PARP12: variants seen among roughly 807,000 people sequenced by gnomAD.
PARP12 encodes the protein protein mono-ADP-ribosyltransferase PARP12.
A neutral mutation model predicts 72.4 loss-of-function variants in PARP12; 59 were observed. The ratio of observed to expected loss-of-function variants is 0.81; its 90% CI spans 0.66 to 1.01. The LOEUF is 1.01. PARP12 is among the 50% of genes least tolerant of loss of function. PARP12 has a pLI of 0.00. For synonymous variants in PARP12, 403 were observed against 371.4 expected (o/e 1.09, Z -0.98); for missense variants, 851 against 914.0 (o/e 0.93, Z 0.89).
intron 5 of PARP12, among the ~76,000 whole-genome samples, chr7:140,046,217 T>C (rs908865424): frequency 6.6e-6 from 1 of 152,240 alleles, no homozygotes; most frequent in Non-Finnish European, 1.5e-5. Flanking sequence ...ACTTTACCAA[T>C]AGCAATTTGC....
chr7:140,024,695 G>A lies in PARP12; in HGVS notation c.1971C>T (p.Asp657=), dbSNP rs2116506296. 1.2e-6 allele frequency: 2 copies of A among 1,614,180 alleles called. No homozygotes were observed. The highest frequency in any genetic ancestry group is 8.5e-7 in the Non-Finnish European group (1 of 1,180,028). ...FYDSCVNSVS[D]PSIFVIFEKH... is the part of the protein sequence containing the mutation. ...TCTCAAAGATCACAAAGATGGAGGGGTCGGACACACTGTTCACGCAGCTAT... is the reference window on the plus strand; with the variant it reads ...TCTCAAAGATCACAAAGATGGAGGGATCGGACACACTGTTCACGCAGCTAT... The change falls in exon 12 of 12, where the codon GAC becomes GAT. Residue 657 remains aspartate, a synonymous_variant. Coordinates refer to ENST00000263549, the MANE Select transcript of PARP12 (RefSeq NM_022750.4).
At chr7:140,028,861 C>T in intron 8 of PARP12, 173 bp from the exon 9 acceptor site, 1 of 513,754 alleles carries the variant, frequency 1.9e-6, no homozygotes, top group Non-Finnish European at 3.4e-6. Context: ...CATGAGAGCA[C>T]TTTTATCTTT....
At position 140,046,917 on chromosome 7, in the gene PARP12, A is replaced by G. The variant is rs766719525; in HGVS notation, c.953T>C (p.Ile318Thr). 17 of 1,613,958 alleles carry G rather than the reference A, an allele frequency of 1.1e-5. No homozygotes were observed. Among genetic ancestry groups the G allele is most frequent in the East Asian group, 2.2e-5 (1 of 44,884 alleles). Residue 318 changes from isoleucine to threonine, a missense_variant, in exon 5 of 12, where the codon ATT becomes ACT. Transcript: ENST00000263549. ...TTTGGGATTGCAATATGCCTCTTCA[A>G]TAAGTTCCATGTTGTCCAAATCCTC... Reference protein sequence around the residue: ...KWEDLDNMELIEEAYCNPKIE... With the variant: ...KWEDLDNMELTEEAYCNPKIE...
At chr7:140,040,138 A>G (rs1040558006) in intron 6 of PARP12, among the ~76,000 whole-genome samples, 4 of 152,018 alleles carry the variant, frequency 2.6e-5, no homozygotes, top group Non-Finnish European at 5.9e-5. Context: ...ACATCTGCTA[A>G]GTGTGTTGCG....
Position 140,062,735 on chromosome 7 carries a change from G to C in PARP12, c.113C>G (p.Ala38Gly). The C allele has an allele frequency of 1.5e-6, 2 of 1,364,810 alleles. No homozygotes were observed. The highest frequency in any genetic ancestry group is 1.9e-6 in the Non-Finnish European group (2 of 1,052,226). The allele number at this position is 1,364,810 out of a possible 1,614,324, so 84.5% of individuals were successfully genotyped here. Residue 38 changes from alanine to glycine, a missense_variant, in exon 1 of 12, where the codon GCG becomes GGG. Physicochemically the swap from Ala to Gly is moderately conservative, Grantham distance 60 (BLOSUM62 0). This residue lies in a region of PARP12 where 492 missense variants were observed against 489.3 expected (regional missense o/e 1.01). Transcript: ENST00000263549. The stretch of plus-strand genomic sequence containing the variant: ...ACGCTGCCGCAGCAGCCGCTCCAGC[G>C]CGTCGGCGCTCAAGCCCATCCGCAA... ...RRLRMGLSAD[A>G]LERLLRQRGR... is the part of the protein sequence containing the mutation.
At position 140,034,332 on chromosome 7, in the gene PARP12, C is replaced by A. The variant is rs1321501995; in HGVS notation, c.1325-1G>T. ...TAGACCAGGTTTTTCTGAACGAAGGCTGAAAAAAAACATAACCAGTGAAAA... is the reference window on the plus strand; with the variant it reads ...TAGACCAGGTTTTTCTGAACGAAGGATGAAAAAAAACATAACCAGTGAAAA... On this transcript the variant is annotated splice_acceptor_variant, in intron 7 of 11. Transcript: ENST00000263549. LOFTEE classifies it high-confidence loss of function. The A allele has an allele frequency of 1.9e-6, 3 of 1,606,300 alleles. No homozygotes were observed. The highest frequency in any genetic ancestry group is 2.6e-6 in the Non-Finnish European group (3 of 1,175,992).
chr7:140,024,850 G>C lies in PARP12; in HGVS notation c.1816C>G (p.His606Asp). 6.2e-7 allele frequency: 1 copy of C among 1,613,996 alleles called. No homozygotes were observed. Among genetic ancestry groups the C allele is most frequent in the Non-Finnish European group, 8.5e-7 (1 of 1,179,902 alleles). Residue 606 changes from histidine to aspartate, a missense_variant, in exon 12 of 12, where the codon CAC (histidine) becomes GAC (aspartate). Physicochemically the swap from His to Asp is moderately conservative, Grantham distance 81. This residue lies in a region of PARP12 where 347 missense variants were observed against 396.1 expected (regional missense o/e 0.88). Transcript: ENST00000263549. ...GTCTGCGTGTCGGATTTGCTGTAGT[G>C]GTGGGAATATGCAGCATCTCGGGCA... ...YFARDAAYSH[H>D]YSKSDTQTHT...
chr7:140,059,402 C>CTCTTTTT (rs562927727), intron 1 of PARP12, among the ~76,000 whole-genome samples: 6 of 147,332 alleles, frequency 4.1e-5, no homozygotes, highest in African/African-American at 1.3e-4. Flanking sequence ...CTGAACCTAG[C>CTCTTTTT]TTTTTTTTTT....
intron 8 of PARP12, among the ~76,000 whole-genome samples, chr7:140,030,271 C>T (rs940954714): frequency 6.6e-6 from 1 of 152,188 alleles, no homozygotes; most frequent in Non-Finnish European, 1.5e-5. Flanking sequence ...ATTCTATACC[C>T]AGTGAAAATT....
intron 4 of PARP12, 28 bp from the exon 5 acceptor site, chr7:140,047,035 T>C (rs376403691): frequency 7.5e-6 from 12 of 1,597,328 alleles, no homozygotes; most frequent in Middle Eastern, 1.7e-4. Context: ...AGGAGTAAGA[T>C]AGCTGGGCAA....
intron 4 of PARP12, among the ~76,000 whole-genome samples, chr7:140,053,465 GCA>G (rs1192148426): frequency 6.6e-6 from 1 of 152,134 alleles, no homozygotes; most frequent in Non-Finnish European, 1.5e-5. Context: ...TTATAAAGGA[GCA>G]TAAAACAATG....
chr7:140,030,073 A>G (rs371328596), intron 8 of PARP12, among the ~76,000 whole-genome samples: 2 of 152,342 alleles, frequency 1.3e-5, no homozygotes, highest in East Asian at 1.9e-4. Flanking sequence ...ACTTAGATAC[A>G]CTTTAGTGAG....
At chr7:140,052,232 A>C (rs1816993726) in intron 4 of PARP12, among the ~76,000 whole-genome samples, 1 of 152,226 alleles carries the variant, frequency 6.6e-6, no homozygotes, top group Non-Finnish European at 1.5e-5. Flanking sequence ...GCTCAAATTT[A>C]ATTTTTAATT....
rs1265725222 is a variant in PARP12, at chr7:140,028,674, G to A, written c.1436C>T (p.Pro479Leu). ...ATAGTCTGGGATGCTCTTCGGGCCT[G>A]GAAACTTGGTATTGCTACAAAAATG... ...TTMQTCNTKF[P>L]GPKSIPDYWD... The change falls in exon 9 of 12, where the codon CCA (proline) becomes CTA (leucine). Residue 479 changes from proline to leucine, a missense_variant. This residue lies in a region of PARP12 where 347 missense variants were observed against 396.1 expected (regional missense o/e 0.88). Coordinates refer to ENST00000263549, the MANE Select transcript of PARP12 (RefSeq NM_022750.4). 3.1e-6 allele frequency: 5 copies of A among 1,603,184 alleles called. No individual in the cohort carries two copies. The highest frequency in any genetic ancestry group is 2.2e-5 in the East Asian group (1 of 44,632).
At chr7:140,027,707 G>T (rs1023072950) in intron 9 of PARP12, 8 of 229,746 alleles carry the variant, frequency 3.5e-5, no homozygotes, top group African/African-American at 1.8e-4. Context: ...CAGTTTCCAA[G>T]AACCTACTGA....
Position 140,051,205 on chromosome 7 carries a change from A to G in PARP12, c.862+3457T>C, listed in dbSNP as rs151084768. ...AAAAAGTTCATGGAAAACGGAATTA[A>G]AAGATAAAAAATATAAACTTTATTT... On this transcript the variant is annotated intron_variant, in intron 4 of 11. Transcript: ENST00000263549. 7.7e-3 allele frequency among the ~76,000 whole-genome samples: 1,178 copies of G among 152,316 alleles called. 12 individuals are homozygous for G. The highest frequency in any genetic ancestry group is 0.027 in the African/African-American group (1,134 of 41,558).
intron 1 of PARP12, among the ~76,000 whole-genome samples, chr7:140,061,536 G>A (rs1264424533): frequency 3.3e-5 from 5 of 152,196 alleles, no homozygotes; most frequent in Admixed American, 3.3e-4. Flanking sequence ...TAGCTTCCCA[G>A]TGGTTCCCCC....
At chr7:140,052,371 T>C (rs906477290) in intron 4 of PARP12, among the ~76,000 whole-genome samples, 7 of 152,218 alleles carry the variant, frequency 4.6e-5, no homozygotes, top group Non-Finnish European at 1.0e-4. Flanking sequence ...TTGATGTGCA[T>C]AGCTCCATCT....
chr7:140,032,977 G>A (rs1816000052), intron 8 of PARP12, among the ~76,000 whole-genome samples: 1 of 151,938 alleles, frequency 6.6e-6, no homozygotes, highest in African/African-American at 2.4e-5. Flanking sequence ...TTTTGAGACG[G>A]GTCTCACTCT....
Sources: gnomAD v4.1 joint callset for allele counts (sites outside exome capture counted in the v4.1 genomes callset) on GRCh38, gnomAD v4.1.1 for gene constraint, gnomAD v4.1.1 regional missense constraint, MANE v1.5 for transcripts, NCBI Gene and HGNC (gene_info 2026-07-23, HGNC 2026-07-21) for gene names.